PPIP5K2: variants seen among roughly 807,000 people sequenced by gnomAD.
The protein encoded by PPIP5K2 is inositol hexakisphosphate and diphosphoinositol-pentakisphosphate kinase 2.
A neutral mutation model predicts 154.6 loss-of-function variants in PPIP5K2; 105 were observed. That is an observed-to-expected ratio of 0.68 (90% CI 0.58 to 0.80). The LOEUF is 0.80. Among genes scored for constraint, PPIP5K2 ranks in the 30% least tolerant of loss-of-function variants. PPIP5K2 has a pLI of 0.00. For missense variants in PPIP5K2, 992 were observed against 1,504.6 expected, an observed-to-expected ratio of 0.66 and a Z score of 5.64; for synonymous variants, 480 against 490.3, an observed-to-expected ratio of 0.98 and a Z score of 0.28.
intron 23 of PPIP5K2, among the ~76,000 whole-genome samples, chr5:103,179,065 T>G (rs1451263131): frequency 1.3e-5 from 2 of 152,022 alleles, no homozygotes; most frequent in African/African-American, 4.8e-5. Context: ...TCTGGATTTT[T>G]TATGTATATG....
rs375218369 is a variant in PPIP5K2 at position 103,167,160 on chromosome 5, A to G, written c.1921-19A>G. The G allele has an allele frequency of 1.3e-6, 2 of 1,502,078 alleles. No individual in the cohort carries two copies. The highest frequency in any genetic ancestry group is 1.8e-6 in the Non-Finnish European group (2 of 1,118,710). 93.0% of individuals were successfully genotyped at this position (1,502,078 alleles called of 1,614,324 possible). ...TTAGGCATAACCAGATATAAAATATATACTTTACTCATTTGTAGCTTACTC... is the reference window on the plus strand; with the variant it reads ...TTAGGCATAACCAGATATAAAATATGTACTTTACTCATTTGTAGCTTACTC... On this transcript the variant is annotated intron_variant, in intron 17 of 30. Coordinates refer to ENST00000358359, the MANE Select transcript of PPIP5K2 (RefSeq NM_001276277.3).
At chr5:103,153,142 C>T (rs1177412286) in intron 10 of PPIP5K2, among the ~76,000 whole-genome samples, 1 of 151,718 alleles carries the variant, frequency 6.6e-6, no homozygotes, top group Non-Finnish European at 1.5e-5. Flanking sequence ...TGTCAGTTGA[C>T]TGAATGCTTT....
intron 28 of PPIP5K2, among the ~76,000 whole-genome samples, chr5:103,187,764 TTTA>T (rs1800624954): frequency 6.6e-6 from 1 of 152,146 alleles, no homozygotes; most frequent in Non-Finnish European, 1.5e-5. Flanking sequence ...ACATGGTTGT[TTTA>T]TTGAGATATT....
chr5:103,127,207 T>G (rs1192592425), intron 1 of PPIP5K2, among the ~76,000 whole-genome samples: 1 of 152,234 alleles, frequency 6.6e-6, no homozygotes, highest in Admixed American at 6.5e-5. Flanking sequence ...ATAAAATGTG[T>G]GTATACACAC....
chr5:103,122,930 G>A (rs1789017411), intron 1 of PPIP5K2, among the ~76,000 whole-genome samples: 4 of 152,170 alleles, frequency 2.6e-5, no homozygotes, highest in African/African-American at 9.7e-5. Flanking sequence ...TAAAGGTATG[G>A]AAGAGATGAT....
chr5:103,184,549 T>A (rs1240763085), intron 25 of PPIP5K2, 123 bp from the exon 26 acceptor site: 2 of 658,138 alleles, frequency 3.0e-6, no homozygotes, highest in African/African-American at 1.8e-5. Flanking sequence ...TTTTATGTAT[T>A]TCTACTAATA....
intron 10 of PPIP5K2, 116 bp downstream of exon 10, chr5:103,152,865 G>GA (rs1431319352): frequency 1.6e-6 from 1 of 641,760 alleles, no homozygotes; most frequent in East Asian, 2.9e-5. Flanking sequence ...GATTTCATAT[G>GA]ATTCAGCTTG....
At chr5:103,190,478 G>T (rs1554226533) in intron 28 of PPIP5K2, among the ~76,000 whole-genome samples, 1 of 151,852 alleles carries the variant, frequency 6.6e-6, no homozygotes, top group African/African-American at 2.4e-5. Flanking sequence ...ACATCATGTG[G>T]CATCAGTTTA....
chr5:103,120,642 G>T, intron 1 of PPIP5K2, 154 bp downstream of exon 1: 1 of 371,656 alleles, frequency 2.7e-6, no homozygotes, highest in South Asian at 1.9e-5. Flanking sequence ...TGACAGCCTG[G>T]GCGTGGAGTG....
At position 103,201,441 on chromosome 5, in the gene PPIP5K2, C is replaced by G. The variant is rs1370178785; in HGVS notation, c.3620-81C>G. On this transcript the variant is annotated intron_variant, in intron 30 of 30. Coordinates refer to ENST00000358359, the MANE Select transcript of PPIP5K2 (RefSeq NM_001276277.3). ...ACAATTATAACAAGAATTGTTTTGT[C>G]AATCAGCAGTATTATTTGAACTTGG... The G allele has an allele frequency of 1.1e-5, 8 of 754,370 alleles. No individual in the cohort carries two copies. The East Asian group carries it at 2.2e-4, about 20-fold the overall frequency. 46.7% of individuals were successfully genotyped at this position (754,370 alleles called of 1,614,324 possible).
chr5:103,133,265 T>C (rs1485955518), intron 2 of PPIP5K2, among the ~76,000 whole-genome samples, 188 bp from the exon 3 acceptor site: 1 of 152,208 alleles, frequency 6.6e-6, no homozygotes. Flanking sequence ...TCCAGACTTT[T>C]GTAGAAAACT....
intron 14 of PPIP5K2, among the ~76,000 whole-genome samples, 173 bp downstream of exon 14, chr5:103,156,167 T>C (rs1309080213): frequency 1.1e-4 from 17 of 152,218 alleles, no homozygotes; most frequent in African/African-American, 4.1e-4. Flanking sequence ...GGATACAATT[T>C]TAAAATTACC....
Position 103,211,870 on chromosome 5 carries a change from T to C in PPIP5K2, c.*10236T>C, listed in dbSNP as rs1803826976. 6.6e-6 allele frequency: 1 copy of C among 152,102 alleles called. No homozygotes were observed. The highest frequency in any genetic ancestry group is 2.4e-5 in the African/African-American group (1 of 41,428). 9.4% of individuals were successfully genotyped at this position (152,102 alleles called of 1,614,324 possible). On this transcript the variant is annotated 3_prime_UTR_variant, in exon 31 of 31. Coordinates refer to ENST00000358359, the MANE Select transcript of PPIP5K2 (RefSeq NM_001276277.3). ...TAATTAACTGCTTTGTTACAAAAAC[T>C]TGGAAATATAGATAAAATATTTATT...
intron 29 of PPIP5K2, among the ~76,000 whole-genome samples, chr5:103,193,171 A>G (rs1801514060): frequency 6.6e-6 from 1 of 152,158 alleles, no homozygotes; most frequent in Admixed American, 6.5e-5. Context: ...ACTAAAATCC[A>G]GGTCTTCTAA....
intron 1 of PPIP5K2, among the ~76,000 whole-genome samples, chr5:103,126,962 A>G (rs532733610): frequency 2.0e-5 from 3 of 152,312 alleles, no homozygotes; most frequent in South Asian, 2.1e-4. Flanking sequence ...ACAGAATAGT[A>G]GGAAACACAG....
chr5:103,178,279 A>G (rs1799009215), intron 23 of PPIP5K2, among the ~76,000 whole-genome samples: 1 of 151,926 alleles, frequency 6.6e-6, no homozygotes. Flanking sequence ...TGTGATGTGC[A>G]GTCCAGTTTT....
rs782348086 is a variant in PPIP5K2 at position 103,158,207 on chromosome 5, A to G, written c.1509A>G (p.Pro503=). 1.2e-6 allele frequency: 2 copies of G among 1,613,634 alleles called. No homozygotes were observed. The highest frequency in any genetic ancestry group is 1.3e-5 in the African/African-American group (1 of 75,054). Residue 503 remains proline (P), a synonymous_variant, in exon 15 of 31, where the codon CCA becomes CCG. Transcript: ENST00000358359. ...SEEEDSRREE[P]SLLLVLKWGG... ...TCATAGACAGCCGAAGAGAAGAACC[A>G]TCTTTACTTTTGGTTCTAAAATGGG... is the stretch of plus-strand genomic sequence containing the variant.
intron 28 of PPIP5K2, chr5:103,188,610 C>T (rs1800755936): frequency 6.6e-6 from 1 of 151,908 alleles, no homozygotes; most frequent in Non-Finnish European, 1.5e-5. Flanking sequence ...CTAAAGAAAC[C>T]GCATGCCTAA....
chr5:103,153,376 T>G (rs1554211949), intron 10 of PPIP5K2, among the ~76,000 whole-genome samples: 8 of 151,832 alleles, frequency 5.3e-5, no homozygotes, highest in Non-Finnish European at 1.0e-4. Context: ...TCTAGCATGC[T>G]TCTAAGATGA....
Sources: allele counts gnomAD v4.1 joint callset (sites outside exome capture counted in the v4.1 genomes callset), GRCh38; gene constraint gnomAD v4.1.1; transcripts MANE v1.5; gene names NCBI Gene and HGNC (gene_info 2026-07-23, HGNC 2026-07-21).